The following KATNIP variants were observed in gnomAD, a reference collection of about 807,000 sequenced individuals.
KATNIP encodes katanin interacting protein, also known as katanin-interacting protein.
In KATNIP, 126 loss-of-function variants were observed where a neutral mutation model predicts 174.0. That is an observed-to-expected ratio of 0.72 (90% confidence interval 0.63 to 0.84). The LOEUF (loss-of-function observed/expected upper bound fraction) is 0.84, where lower values mean the gene tolerates loss of function less well. Among genes scored for constraint, KATNIP ranks in the 40% least tolerant of loss-of-function variants. KATNIP has a pLI of 0.00. For synonymous variants in KATNIP, 810 were observed against 835.7 expected, an observed-to-expected ratio of 0.97 and a Z score of 0.53; for missense variants, 1,958 against 2,109.7, an observed-to-expected ratio of 0.93 and a Z score of 1.41.
At chr16:27,761,672 C>T in intron 19 of KATNIP, 82 bp downstream of exon 19, 1 of 1,272,532 alleles carries the variant, frequency 7.9e-7, no homozygotes, top group South Asian at 1.2e-5. Flanking sequence ...CAGATTCAGA[C>T]ATCAAATAGA....
chr16:27,711,392 A>G (rs182581953), intron 13 of KATNIP, among the ~76,000 whole-genome samples: 127 of 152,324 alleles, frequency 8.3e-4, no homozygotes, highest in Non-Finnish European at 1.3e-3. Context: ...AAACTGGGTC[A>G]TGACTCAAGG....
intron 10 of KATNIP, 77 bp from the exon 11 acceptor site, chr16:27,701,512 C>A: frequency 8.7e-7 from 1 of 1,148,386 alleles, no homozygotes; most frequent in Non-Finnish European, 1.3e-6. Context: ...CATGCCTGCC[C>A]TTGACCGTGA....
chr16:27,764,546 G>A (rs1215561711), intron 19 of KATNIP, among the ~76,000 whole-genome samples: 1 of 152,222 alleles, frequency 6.6e-6, no homozygotes, highest in Non-Finnish European at 1.5e-5. Context: ...CTTTTAGTGG[G>A]TAATGGTATT....
chr16:27,579,086 A>T (rs979429014), intron 2 of KATNIP, among the ~76,000 whole-genome samples: 1 of 152,254 alleles, frequency 6.6e-6, no homozygotes, highest in Non-Finnish European at 1.5e-5. Flanking sequence ...CTCAAAAATC[A>T]TTAGGAAGTA....
Position 27,750,318 on chromosome 16 carries a change from C to G in KATNIP, c.3346+12C>G. On this transcript the variant is annotated intron_variant, in intron 16 of 27. Coordinates refer to ENST00000261588, the MANE Select transcript of KATNIP (RefSeq NM_015202.5). ...AACCCTGGCGGGAGGTATGGCGTGT[C>G]TGTAAGAATTTTCTCAGAGCCCCTA... is the stretch of plus-strand genomic sequence containing the variant. 6.3e-7 allele frequency: 1 copy of G among 1,588,206 alleles called. No homozygotes were observed. Among genetic ancestry groups the G allele is most frequent in the Middle Eastern group, 1.7e-4 (1 of 5,930 alleles).
chr16:27,618,927 G>T (rs1027021662), intron 3 of KATNIP, among the ~76,000 whole-genome samples: 1 of 152,190 alleles, frequency 6.6e-6, no homozygotes, highest in Non-Finnish European at 1.5e-5. Flanking sequence ...GAAGTTGGTC[G>T]ATAAGTCATT....
chr16:27,630,560 C>T (rs893699639), intron 4 of KATNIP, among the ~76,000 whole-genome samples: 2 of 152,336 alleles, frequency 1.3e-5, no homozygotes, highest in South Asian at 2.1e-4. Context: ...CTAGTTTTCA[C>T]AGTGGAGGCA....
intron 2 of KATNIP, among the ~76,000 whole-genome samples, chr16:27,600,846 C>T (rs2075500001): frequency 6.6e-6 from 1 of 152,182 alleles, no homozygotes; most frequent in East Asian, 1.9e-4. Flanking sequence ...TCTCCTGCCT[C>T]AGCCTCCCGA....
chr16:27,726,661 A>G (rs376471063), intron 14 of KATNIP, among the ~76,000 whole-genome samples: 1 of 152,186 alleles, frequency 6.6e-6, no homozygotes, highest in Admixed American at 6.5e-5. Flanking sequence ...TCCGAAGACA[A>G]TAACACAGGA....
At chr16:27,598,456 C>T (rs2075410032) in intron 2 of KATNIP, among the ~76,000 whole-genome samples, 2 of 152,136 alleles carry the variant, frequency 1.3e-5, no homozygotes, top group Non-Finnish European at 2.9e-5. Context: ...CCCCATGTGG[C>T]TACTCAGCCA....
chr16:27,777,807 C>G lies in KATNIP; in HGVS notation c.4712+37C>G, dbSNP rs1472561229. On this transcript the variant is annotated intron_variant, in intron 26 of 27. Coordinates refer to ENST00000261588, the MANE Select transcript of KATNIP (RefSeq NM_015202.5). This position sits in a 1 kb window ranked among gnomAD's most constrained non-coding sequence, Gnocchi z 4.4. ...GCCGGCCCCATGGCCTCCCCACCAG[C>G]CCTAAGGAGGATGGATGGCTGGGAC... The G allele has an allele frequency of 6.2e-7, 1 of 1,613,260 alleles. No homozygotes were observed. The highest frequency in any genetic ancestry group is 1.1e-5 in the South Asian group (1 of 90,942).
intron 6 of KATNIP, among the ~76,000 whole-genome samples, chr16:27,675,369 C>T (rs796363908): frequency 8.5e-5 from 13 of 152,230 alleles, no homozygotes; most frequent in African/African-American, 3.1e-4. Context: ...GCCCTTGACA[C>T]ATGGGGATTA....
intron 2 of KATNIP, among the ~76,000 whole-genome samples, chr16:27,608,521 A>T (rs1358791045): frequency 5.0e-5 from 7 of 141,396 alleles, no homozygotes; most frequent in African/African-American, 8.0e-5. Context: ...CTTGGTAGGA[A>T]TTTTTTTTTC....
intron 6 of KATNIP, among the ~76,000 whole-genome samples, chr16:27,674,116 A>C (rs536856000): frequency 6.6e-6 from 1 of 152,234 alleles, no homozygotes; most frequent in Admixed American, 6.5e-5. Flanking sequence ...ACACCACTGC[A>C]CTGGGCAACA....
At chr16:27,579,012 A>G (rs1290451588) in intron 2 of KATNIP, among the ~76,000 whole-genome samples, 1 of 152,226 alleles carries the variant, frequency 6.6e-6, no homozygotes, top group Non-Finnish European at 1.5e-5. Flanking sequence ...TGGAGATTAT[A>G]TAGTGTTTAT....
intron 1 of KATNIP, among the ~76,000 whole-genome samples, chr16:27,554,843 T>C (rs1481548414): frequency 6.8e-6 from 1 of 147,854 alleles, no homozygotes; most frequent in Non-Finnish European, 1.5e-5. Flanking sequence ...ACCCAGGCTG[T>C]AGTACAGTGG....
Position 27,677,934 on chromosome 16 carries a change from A to G in KATNIP, c.746A>G (p.Glu249Gly). Reference sequence around the variant, plus strand: ...GATGTTCACGGGGAACAGGAGACAGAAGGACGCTCTTCTCCAGGCCCAGAC... The same window carrying G: ...GATGTTCACGGGGAACAGGAGACAGGAGGACGCTCTTCTCCAGGCCCAGAC... ...QKDVHGEQETEGRSSPGPDTL... is the reference protein window; with the variant it reads ...QKDVHGEQETGGRSSPGPDTL... The change falls in exon 7 of 28, where the codon GAA (glutamate) becomes GGA (glycine). Residue 249 changes from glutamate to glycine, a missense_variant. Transcript: ENST00000261588. 6.2e-7 allele frequency: 1 copy of G among 1,614,070 alleles called. No individual in the cohort carries two copies. The highest frequency in any genetic ancestry group is 8.5e-7 in the Non-Finnish European group (1 of 1,180,002).
chr16:27,701,847 T>G, intron 11 of KATNIP, 152 bp downstream of exon 11: 1 of 610,056 alleles, frequency 1.6e-6, no homozygotes. Context: ...CAGGCTGGAG[T>G]GCAGTGGCAC....
intron 2 of KATNIP, among the ~76,000 whole-genome samples, chr16:27,614,784 G>C (rs976545134): frequency 6.6e-6 from 1 of 152,150 alleles, no homozygotes; most frequent in African/African-American, 2.4e-5. Context: ...AGTGGGTCTA[G>C]AGAGAGGGAA....
Sources: gnomAD v4.1 joint callset for allele counts (sites outside exome capture counted in the v4.1 genomes callset) on GRCh38, gnomAD v4.1.1 for gene constraint, Gnocchi (gnomAD v3.1) non-coding constraint, MANE v1.5 for transcripts, NCBI Gene and HGNC (gene_info 2026-07-23, HGNC 2026-07-21) for gene names.